Variants in PTPRN2 observed in about 807,000 individuals in gnomAD.
PTPRN2 encodes the protein protein tyrosine phosphatase receptor type N2.
A neutral mutation model predicts 118.8 loss-of-function variants in PTPRN2; 74 were observed. The ratio of observed to expected loss-of-function variants is 0.62; its 90% CI spans 0.52 to 0.76. The LOEUF is 0.76. Ranked by LOEUF, PTPRN2 falls within the 30% of genes least tolerant of loss-of-function variation. The probability of loss-of-function intolerance (pLI) is 0.00; values close to 1 mark genes in which losing one functional copy is unlikely to be tolerated. For missense variants in PTPRN2, 1,481 were observed against 1,394.4 expected (o/e 1.06, Z -0.99); for synonymous variants, 641 against 608.0 (o/e 1.05, Z -0.80).
At chr7:157,578,445 C>T (rs749954153) in intron 17 of PTPRN2, among the ~76,000 whole-genome samples, 1 of 152,188 alleles carries the variant, frequency 6.6e-6, no homozygotes, top group Non-Finnish European at 1.5e-5. Context: ...CTTTCTACAA[C>T]GCCACACATA....
chr7:158,146,694 C>T (rs200880707), intron 6 of PTPRN2, among the ~76,000 whole-genome samples: 2 of 145,136 alleles, frequency 1.4e-5, no homozygotes, highest in East Asian at 2.0e-4. Context: ...GCACTCCAGC[C>T]TGGGCGACAG....
intron 2 of PTPRN2, among the ~76,000 whole-genome samples, chr7:158,411,152 TTCACAGAGCAGGCAC>T (rs976497649): frequency 2.0e-5 from 3 of 152,074 alleles, no homozygotes; most frequent in African/African-American, 7.2e-5. Context: ...CATGGGACCC[TTCACAGAGCAGGCAC>T]TCAAAACCCA....
At chr7:157,879,189 G>A (rs1471532505) in intron 12 of PTPRN2, among the ~76,000 whole-genome samples, 4 of 148,754 alleles carry the variant, frequency 2.7e-5, no homozygotes, top group Admixed American at 6.6e-5. Flanking sequence ...CTTACTCACC[G>A]AGGAGCTCTC....
At chr7:157,824,192 T>C (rs1017235483) in intron 12 of PTPRN2, among the ~76,000 whole-genome samples, 1 of 151,944 alleles carries the variant, frequency 6.6e-6, no homozygotes, top group Non-Finnish European at 1.5e-5. Context: ...TGACCACAAG[T>C]CCTCCTCCCA....
rs752326677 is a variant in PTPRN2, at chr7:157,610,928, C to T, written c.2345-6853G>A. ...TCAGCTGAGTGTCATTCAGGGCCTC[C>T]GCAGCTCAGCATACAATGCTGCATC... On this transcript the variant is annotated intron_variant, in intron 15 of 22. Coordinates refer to ENST00000389418, the MANE Select transcript of PTPRN2 (RefSeq NM_002847.5). This position sits in a 1 kb window ranked among gnomAD's most constrained non-coding sequence, Gnocchi z 5.1. Among the ~76,000 whole-genome samples, 40 of 152,332 alleles carry T rather than the reference C, an allele frequency of 2.6e-4. No homozygotes were observed. Among genetic ancestry groups the T allele is most frequent in the Admixed American group, 5.9e-4 (9 of 15,302 alleles).
At chr7:157,741,601 A>G (rs1336294958) in intron 12 of PTPRN2, among the ~76,000 whole-genome samples, 2 of 152,168 alleles carry the variant, frequency 1.3e-5, no homozygotes, top group Non-Finnish European at 2.9e-5. Flanking sequence ...AAGAAGCAAG[A>G]CCCGTCCACA....
In PTPRN2 at chr7:157,585,038, C is replaced by T. The variant is rs1419973949; in HGVS notation, c.2497-6898G>A. On this transcript the variant is annotated intron_variant, in intron 17 of 22. Coordinates refer to ENST00000389418, the MANE Select transcript of PTPRN2 (RefSeq NM_002847.5). This position sits in a 1 kb window ranked among gnomAD's most constrained non-coding sequence, Gnocchi z 5.2. ...CCATGACCAGCTCATGGTGCACCTA[C>T]CTGGCTTTTTTTTAGTAAACAAATA... 1.3e-5 allele frequency among the ~76,000 whole-genome samples: 2 copies of T among 152,230 alleles called. No individual in the cohort carries two copies. Among genetic ancestry groups the T allele is most frequent in the East Asian group, 3.9e-4 (2 of 5,168 alleles).
intron 3 of PTPRN2, among the ~76,000 whole-genome samples, chr7:158,257,149 G>A (rs1797071961): frequency 6.6e-6 from 1 of 152,150 alleles, no homozygotes; most frequent in African/African-American, 2.4e-5. Context: ...GAGGTTTCGA[G>A]TATCCTCTGT....
chr7:158,480,922 G>T (rs2129444888), intron 2 of PTPRN2, among the ~76,000 whole-genome samples: 1 of 152,380 alleles, frequency 6.6e-6, no homozygotes, highest in Non-Finnish European at 1.5e-5. Context: ...AGGTGCAGCA[G>T]CAAGTGCTGA....
chr7:158,366,977 G>C (rs564491749), intron 2 of PTPRN2, among the ~76,000 whole-genome samples: 1 of 152,154 alleles, frequency 6.6e-6, no homozygotes, highest in Non-Finnish European at 1.5e-5. Context: ...TGCCGCTCCC[G>C]TGCACCCAGG....
chr7:158,082,903 C>T (rs1033056024), intron 10 of PTPRN2, among the ~76,000 whole-genome samples: 3 of 152,194 alleles, frequency 2.0e-5, no homozygotes, highest in Non-Finnish European at 2.9e-5. Flanking sequence ...AGCCCAGGCC[C>T]CAGGCCTGTC....
intron 1 of PTPRN2, among the ~76,000 whole-genome samples, chr7:158,512,837 G>A (rs1823274815): frequency 6.6e-6 from 1 of 152,210 alleles, no homozygotes; most frequent in South Asian, 2.1e-4. Flanking sequence ...TTTGTGTGAG[G>A]CCACGGAACG....
intron 12 of PTPRN2, among the ~76,000 whole-genome samples, chr7:157,732,079 A>G (rs1799973930): frequency 1.5e-5 from 1 of 65,762 alleles, no homozygotes; most frequent in Non-Finnish European, 3.0e-5. Flanking sequence ...CCATGCGCCC[A>G]GCACAGTTAC....
At chr7:158,548,665 C>T (rs561959750) in intron 1 of PTPRN2, among the ~76,000 whole-genome samples, 2 of 152,356 alleles carry the variant, frequency 1.3e-5, no homozygotes, top group South Asian at 2.1e-4. Flanking sequence ...GTGTTTTCTT[C>T]CTTTTCATCA....
intron 12 of PTPRN2, among the ~76,000 whole-genome samples, chr7:157,843,421 T>C (rs544943902): frequency 6.6e-6 from 1 of 152,352 alleles, no homozygotes; most frequent in Non-Finnish European, 1.5e-5. Context: ...GTTTATGGGC[T>C]GGTTTCAGTC....
At chr7:157,774,298 G>C (rs1215197049) in intron 12 of PTPRN2, among the ~76,000 whole-genome samples, 2 of 152,238 alleles carry the variant, frequency 1.3e-5, no homozygotes, top group Non-Finnish European at 2.9e-5. Context: ...CCTCCATGAT[G>C]TCTTTATACA....
intron 4 of PTPRN2, among the ~76,000 whole-genome samples, chr7:158,193,109 A>C (rs1825911794): frequency 6.6e-6 from 1 of 152,192 alleles, no homozygotes; most frequent in African/African-American, 2.4e-5. Flanking sequence ...CGCGTGCACC[A>C]TGCAGGGCAG....
chr7:158,183,319 C>T (rs1824868659), intron 5 of PTPRN2, among the ~76,000 whole-genome samples: 1 of 152,120 alleles, frequency 6.6e-6, no homozygotes, highest in South Asian at 2.1e-4. Context: ...GATATTGTCC[C>T]AATCATCATG....
intron 3 of PTPRN2, among the ~76,000 whole-genome samples, chr7:158,279,915 C>T (rs1265712145): frequency 6.6e-6 from 1 of 152,150 alleles, no homozygotes; most frequent in African/African-American, 2.4e-5. Context: ...CACGGTGTGC[C>T]AGGTAAAATA....
Sources: allele counts gnomAD v4.1 joint callset (sites outside exome capture counted in the v4.1 genomes callset), GRCh38; gene constraint gnomAD v4.1.1; non-coding constraint Gnocchi (gnomAD v3.1); transcripts MANE v1.5; gene names NCBI Gene and HGNC (gene_info 2026-07-23, HGNC 2026-07-21).